The following CDH20 variants were observed in gnomAD, a reference collection of about 807,000 sequenced individuals.
CDH20 encodes cadherin-20.
In CDH20, 29 loss-of-function variants were observed where a neutral mutation model predicts 74.2. The observed-to-expected ratio is 0.39, with a 90% CI of 0.29 to 0.53. The LOEUF (loss-of-function observed/expected upper bound fraction) is 0.53. Among genes scored for constraint, CDH20 ranks in the 20% least tolerant of loss-of-function variants. The pLI, the probability that CDH20 is intolerant of heterozygous loss-of-function variation, is 0.69. For missense variants in CDH20, 988 were observed against 1,048.3 expected, an observed-to-expected ratio of 0.94 and a Z score of 0.79; for synonymous variants, 469 against 405.4, an observed-to-expected ratio of 1.16 and a Z score of -1.88.
chr18:61,469,364 TACACACACACACACACACACAC>T (rs35516738), intron 1 of CDH20, among the ~76,000 whole-genome samples: 2 of 142,352 alleles, frequency 1.4e-5, no homozygotes, highest in African/African-American at 2.6e-5. Context: ...TGAGAATGAA[TACACACACACACACACACACAC>T]ACACACACAC....
intron 1 of CDH20, among the ~76,000 whole-genome samples, chr18:61,433,850 C>T (rs929434563): frequency 2.0e-5 from 3 of 152,080 alleles, no homozygotes; most frequent in Admixed American, 6.5e-5. Flanking sequence ...TTGAGAAATA[C>T]GAACCCAAGA....
intron 1 of CDH20, among the ~76,000 whole-genome samples, chr18:61,334,647 G>A (rs1377488420): frequency 6.6e-6 from 1 of 152,148 alleles, no homozygotes; most frequent in African/African-American, 2.4e-5. Context: ...AGCAGCCTTT[G>A]CCTAGCTATC....
chr18:61,446,392 AC>A (rs1909206075), intron 1 of CDH20, among the ~76,000 whole-genome samples: 1 of 152,060 alleles, frequency 6.6e-6, no homozygotes, highest in Non-Finnish European at 1.5e-5. Flanking sequence ...CACCGCTCTC[AC>A]TACCTTACTT....
chr18:61,377,503 C>G (rs537451220), intron 1 of CDH20, among the ~76,000 whole-genome samples: 1 of 151,898 alleles, frequency 6.6e-6, no homozygotes, highest in African/African-American at 2.4e-5. Flanking sequence ...TTCAGATTGT[C>G]CACCGAGAGC....
chr18:61,353,643 G>A lies in CDH20; in HGVS notation c.-153+19816G>A, dbSNP rs553119841. ...AATTTAATGGACCCTCAAATGTAAC[G>A]GACCACCACCTATCAAATGCCCTTC... On this transcript the variant is annotated intron_variant, in intron 1 of 11. Transcript: ENST00000262717. This position sits in a 1 kb window ranked among gnomAD's most constrained non-coding sequence, Gnocchi z 4.6. 9.2e-5 allele frequency among the ~76,000 whole-genome samples: 14 copies of A among 152,058 alleles called. No individual in the cohort carries two copies. The highest frequency in any genetic ancestry group is 1.4e-4 in the African/African-American group (6 of 41,386).
At chr18:61,482,178 T>A (rs668588) in intron 1 of CDH20, among the ~76,000 whole-genome samples, 150,995 of 152,258 alleles carry the variant, frequency 0.99, 74,889 homozygotes, top group Middle Eastern at 1. Flanking sequence ...TCACATTCGT[T>A]ATGCCCAAAG....
intron 5 of CDH20, among the ~76,000 whole-genome samples, chr18:61,505,490 C>T (rs564267485): frequency 3.9e-5 from 6 of 152,170 alleles, no homozygotes; most frequent in African/African-American, 1.2e-4. Context: ...TGCACACCAC[C>T]ATGCCCAGCT....
chr18:61,414,649 A>G (rs1417292217), intron 1 of CDH20, among the ~76,000 whole-genome samples: 2 of 152,058 alleles, frequency 1.3e-5, no homozygotes, highest in Non-Finnish European at 2.9e-5. Context: ...AAAAATGTGG[A>G]GAACACCTAA....
chr18:61,520,303 G>A (rs1414697446), intron 6 of CDH20, among the ~76,000 whole-genome samples: 9 of 103,502 alleles, frequency 8.7e-5, no homozygotes, highest in Non-Finnish European at 1.1e-4. Flanking sequence ...GTGGCAGAGC[G>A]AGACTCCGTC....
At chr18:61,504,817 C>T (rs1381948074) in intron 5 of CDH20, among the ~76,000 whole-genome samples, 1 of 152,016 alleles carries the variant, frequency 6.6e-6, no homozygotes, top group Non-Finnish European at 1.5e-5. Flanking sequence ...TCTATGTAAA[C>T]ACAGGAGATC....
chr18:61,502,909 C>A, intron 4 of CDH20, 44 bp from the exon 5 acceptor site: 1 of 1,514,092 alleles, frequency 6.6e-7, no homozygotes. Flanking sequence ...AAAAACTGGA[C>A]CTGTGGTTTT....
At chr18:61,441,568 T>A (rs1438648503) in intron 1 of CDH20, among the ~76,000 whole-genome samples, 1 of 152,090 alleles carries the variant, frequency 6.6e-6, no homozygotes, top group African/African-American at 2.4e-5. Flanking sequence ...ATATTGAAGA[T>A]AGTAAGACAA....
intron 1 of CDH20, among the ~76,000 whole-genome samples, chr18:61,475,451 T>G (rs1419120986): frequency 6.6e-6 from 1 of 152,220 alleles, no homozygotes; most frequent in Non-Finnish European, 1.5e-5. Flanking sequence ...AATCTTACAT[T>G]GTTCAATGAG....
chr18:61,363,216 T>C (rs1910757074), intron 1 of CDH20, among the ~76,000 whole-genome samples: 1 of 152,168 alleles, frequency 6.6e-6, no homozygotes, highest in Non-Finnish European at 1.5e-5. Flanking sequence ...ACTTAAAGCA[T>C]CTCAGGAGCC....
At chr18:61,536,774 G>A (rs575640940) in intron 8 of CDH20, 145 bp downstream of exon 8, 18 of 695,784 alleles carry the variant, frequency 2.6e-5, no homozygotes, top group African/African-American at 1.4e-4. Context: ...AAGTAAATGC[G>A]TTCAGTTCAA....
At chr18:61,465,444 T>C (rs1909927429) in intron 1 of CDH20, among the ~76,000 whole-genome samples, 1 of 152,170 alleles carries the variant, frequency 6.6e-6, no homozygotes, top group South Asian at 2.1e-4. Flanking sequence ...TACTTCCCAT[T>C]GTACTAAATA....
intron 6 of CDH20, among the ~76,000 whole-genome samples, chr18:61,527,494 G>A (rs1912469079): frequency 6.6e-6 from 1 of 152,042 alleles, no homozygotes; most frequent in Non-Finnish European, 1.5e-5. Flanking sequence ...CTTTTCAAAT[G>A]AGCAAGCACC....
At chr18:61,480,193 T>C (rs1183813793) in intron 1 of CDH20, among the ~76,000 whole-genome samples, 8 of 152,110 alleles carry the variant, frequency 5.3e-5, no homozygotes, top group Admixed American at 5.2e-4. Context: ...CTCCCCCAAA[T>C]TAAGAAAGTT....
chr18:61,555,730 C>T lies in CDH20; in HGVS notation c.*1035C>T, dbSNP rs113550167. On this transcript the variant is annotated 3_prime_UTR_variant, in exon 12 of 12. Coordinates refer to ENST00000262717, the MANE Select transcript of CDH20 (RefSeq NM_031891.4). The stretch of plus-strand genomic sequence containing the variant: ...TTTTGGTAATAAATATGATGTACTG[C>T]ATCTCAGTACCTTAGCACTTCTTTT... 2.2e-4 allele frequency: 210 copies of T among 945,166 alleles called. No homozygotes were observed. Among genetic ancestry groups the T allele is most frequent in the Non-Finnish European group, 6.7e-5 (53 of 793,264 alleles). 58.5% of individuals were successfully genotyped at this position (945,166 alleles called of 1,614,324 possible).
Sources: gnomAD v4.1 joint callset for allele counts (sites outside exome capture counted in the v4.1 genomes callset) on GRCh38, gnomAD v4.1.1 for gene constraint, Gnocchi (gnomAD v3.1) non-coding constraint, MANE v1.5 for transcripts, NCBI Gene and HGNC (gene_info 2026-07-23, HGNC 2026-07-21) for gene names.